Variants in ACSM1 observed in about 807,000 individuals in gnomAD.
The protein encoded by ACSM1 is acyl-coenzyme A synthetase ACSM1, mitochondrial.
In ACSM1, 79 loss-of-function variants were observed where a neutral mutation model predicts 75.8. The observed-to-expected ratio is 1.04, with a 90% CI of 0.87 to 1.26. The LOEUF is 1.26. Among genes scored for constraint, ACSM1 ranks in the 50% most tolerant of loss-of-function variants. ACSM1 has a pLI of 0.00. For synonymous variants in ACSM1, 279 were observed against 265.8 expected, an observed-to-expected ratio of 1.05 and a Z score of -0.48; for missense variants, 676 against 720.1, an observed-to-expected ratio of 0.94 and a Z score of 0.70.
intron 7 of ACSM1, among the ~76,000 whole-genome samples, chr16:20,644,872 C>T (rs2018271996): frequency 6.6e-6 from 1 of 152,206 alleles, no homozygotes; most frequent in Non-Finnish European, 1.5e-5. Flanking sequence ...TTGTGGCCTT[C>T]CTTATGTCTA....
chr16:20,627,954 AT>A (rs1307302326), intron 10 of ACSM1, among the ~76,000 whole-genome samples: 2 of 141,814 alleles, frequency 1.4e-5, no homozygotes, highest in Non-Finnish European at 3.0e-5. Context: ...CTAGAATGAA[AT>A]TTCCATTATG....
intron 7 of ACSM1, among the ~76,000 whole-genome samples, chr16:20,641,404 C>T (rs1049008874): frequency 1.3e-5 from 2 of 152,140 alleles, no homozygotes; most frequent in Middle Eastern, 3.2e-3. Flanking sequence ...AGGGCTTGCA[C>T]GTCTGGTGTA....
chr16:20,682,833 T>C (rs769020835), intron 3 of ACSM1, among the ~76,000 whole-genome samples: 1 of 152,150 alleles, frequency 6.6e-6, no homozygotes, highest in Non-Finnish European at 1.5e-5. Context: ...AATAGCTGCA[T>C]CTCTCCCCCA....
intron 1 of ACSM1, 79 bp from the exon 2 acceptor site, chr16:20,691,318 G>T: frequency 2.7e-6 from 2 of 727,862 alleles, no homozygotes; most frequent in Non-Finnish European, 4.4e-6. Flanking sequence ...TTGGTTAATT[G>T]CTACAGTTAT....
chr16:20,642,857 C>A (rs1018010852), intron 7 of ACSM1, among the ~76,000 whole-genome samples: 5 of 152,182 alleles, frequency 3.3e-5, no homozygotes, highest in Non-Finnish European at 7.3e-5. Context: ...AAGAGATATA[C>A]AAGTAGTTAA....
Position 20,640,604 on chromosome 16 carries a change from C to T in ACSM1, c.993-20G>A, listed in dbSNP as rs761203831. 5 of 1,614,002 alleles carry T rather than the reference C, an allele frequency of 3.1e-6. No homozygotes were observed. In the South Asian group the frequency reaches 3.3e-5, roughly 11 times the overall value. ...CTGATGCTTAGAGGAAGACAAGGTGCCAGGCATTGGTGAGCCACCCTGGCT... is the reference window on the plus strand; with the variant it reads ...CTGATGCTTAGAGGAAGACAAGGTGTCAGGCATTGGTGAGCCACCCTGGCT... On this transcript the variant is annotated intron_variant, in intron 7 of 13. Transcript: ENST00000520010.
chr16:20,655,362 C>G (rs918777298), intron 7 of ACSM1, among the ~76,000 whole-genome samples: 1 of 151,138 alleles, frequency 6.6e-6, no homozygotes, highest in African/African-American at 2.4e-5. Flanking sequence ...CAAACCTGTA[C>G]GTTGTGCACA....
intron 4 of ACSM1, among the ~76,000 whole-genome samples, chr16:20,672,893 T>C (rs1275523582): frequency 3.1e-5 from 4 of 130,668 alleles, no homozygotes; most frequent in Non-Finnish European, 4.6e-5. Flanking sequence ...ATATAATATA[T>C]AATAAATATA....
chr16:20,662,124 G>T (rs1026489165), intron 6 of ACSM1, among the ~76,000 whole-genome samples: 1 of 152,134 alleles, frequency 6.6e-6, no homozygotes, highest in Non-Finnish European at 1.5e-5. Flanking sequence ...AACAGGACTC[G>T]AATGATAAGG....
intron 7 of ACSM1, among the ~76,000 whole-genome samples, chr16:20,646,438 T>C (rs2152228695): frequency 6.6e-6 from 1 of 152,256 alleles, no homozygotes; most frequent in South Asian, 2.1e-4. Context: ...TCACCCTCCC[T>C]AGGTATGCTT....
At position 20,627,326 on chromosome 16, in the gene ACSM1, G is replaced by C. The variant is rs751155295; in HGVS notation, c.1300-10C>G. 3.2e-6 allele frequency: 5 copies of C among 1,561,148 alleles called. No homozygotes were observed. In the East Asian group the frequency reaches 1.0e-4, roughly 31 times the overall value. Reference sequence around the variant, plus strand: ...TCTTCTCTGGGTCACCCTGCAAAAAGAAGAGAGCTCCTTTGTTGAAGGCAG... The same window carrying C: ...TCTTCTCTGGGTCACCCTGCAAAAACAAGAGAGCTCCTTTGTTGAAGGCAG... On this transcript the variant is annotated splice_polypyrimidine_tract_variant and intron_variant, in intron 10 of 13. Transcript: ENST00000520010.
chr16:20,687,922 A>C (rs1418257854), intron 2 of ACSM1, among the ~76,000 whole-genome samples: 1 of 152,052 alleles, frequency 6.6e-6, no homozygotes, highest in African/African-American at 2.4e-5. Flanking sequence ...CATCTCTATT[A>C]AAAGTACAAA....
chr16:20,639,086 C>T (rs1361036995), intron 8 of ACSM1, among the ~76,000 whole-genome samples: 1 of 152,162 alleles, frequency 6.6e-6, no homozygotes, highest in East Asian at 1.9e-4. Flanking sequence ...CCTGGGATAG[C>T]AGTCATCCTT....
chr16:20,646,415 C>A (rs1015134384), intron 7 of ACSM1, among the ~76,000 whole-genome samples: 39 of 152,138 alleles, frequency 2.6e-4, no homozygotes, highest in African/African-American at 9.4e-4. Flanking sequence ...AGGGCAAATG[C>A]CAGCCCATGC....
rs117676842 is a variant in ACSM1 at position 20,641,405 on chromosome 16, G to A, written c.993-821C>T. On this transcript the variant is annotated intron_variant, in intron 7 of 13. Transcript: ENST00000520010. ...AAGAAAGCTGAGGCAGGGCTTGCAC[G>A]TCTGGTGTAATGTCCTCTGGAATGT... Among the ~76,000 whole-genome samples the A allele has an allele frequency of 4.5e-3, 684 of 152,224 alleles. 3 individuals carry two copies. The highest frequency in any genetic ancestry group is 0.025 in the South Asian group (120 of 4,822).
intron 8 of ACSM1, among the ~76,000 whole-genome samples, chr16:20,638,768 C>A (rs188205833): frequency 9.2e-5 from 14 of 152,278 alleles, no homozygotes; most frequent in African/African-American, 2.4e-4. Context: ...TTGCCCACTG[C>A]CACATCACTG....
In ACSM1 at chr16:20,640,485, G is replaced by A. The variant is rs753469023; in HGVS notation, c.1092C>T (p.Tyr364=). 15 of 1,613,998 alleles carry A rather than the reference G, an allele frequency of 9.3e-6. No homozygotes were observed. Among genetic ancestry groups the A allele is most frequent in the East Asian group, 6.7e-5 (3 of 44,892 alleles). The stretch of plus-strand genomic sequence containing the variant: ...CCGTTTCCGACTGCCCATAGTTCTC[G>A]TAGAGCAGAAGGCCCGTCCGTCTTT... ...EWKRRTGLLL[Y]ENYGQSETGL... The change falls in exon 8 of 14, where the codon TAC becomes TAT. Residue 364 remains tyrosine (Y), a synonymous_variant. Transcript: ENST00000520010.
chr16:20,673,487 C>T (rs1329401494), intron 4 of ACSM1, among the ~76,000 whole-genome samples: 3 of 152,154 alleles, frequency 2.0e-5, no homozygotes, highest in Non-Finnish European at 4.4e-5. Flanking sequence ...AAATAAAGAG[C>T]TTTAAAAACT....
intron 7 of ACSM1, among the ~76,000 whole-genome samples, chr16:20,645,850 A>G (rs750668465): frequency 6.6e-6 from 1 of 152,220 alleles, no homozygotes; most frequent in Non-Finnish European, 1.5e-5. Context: ...GATGTCCACT[A>G]TAATACAAGG....
Sources: allele counts gnomAD v4.1 joint callset (sites outside exome capture counted in the v4.1 genomes callset), GRCh38; gene constraint gnomAD v4.1.1; transcripts MANE v1.5; gene names NCBI Gene and HGNC (gene_info 2026-07-23, HGNC 2026-07-21).